Variants in RGS6 observed in about 807,000 individuals in gnomAD.
The protein encoded by RGS6 is regulator of G-protein signaling 6.
In RGS6, 30 loss-of-function variants were observed where a neutral mutation model predicts 78.5. The ratio of observed to expected loss-of-function variants is 0.38; its 90% CI spans 0.29 to 0.52. The LOEUF is 0.52. RGS6 is among the 20% of genes least tolerant of loss of function. The pLI is 0.85. For synonymous variants in RGS6, 206 were observed against 206.0 expected (o/e 1.00, Z 0.00); for missense variants, 495 against 609.7 (o/e 0.81, Z 1.98).
chr14:72,142,725 A>G (rs1567299554), intron 2 of RGS6, among the ~76,000 whole-genome samples: 1 of 152,220 alleles, frequency 6.6e-6, no homozygotes, highest in Non-Finnish European at 1.5e-5. Flanking sequence ...TCAAGAACCA[A>G]TTTACAACAT....
chr14:72,546,515 C>T (rs926676194), intron 17 of RGS6, among the ~76,000 whole-genome samples: 1 of 152,196 alleles, frequency 6.6e-6, no homozygotes, highest in Non-Finnish European at 1.5e-5. Flanking sequence ...GCTGTTCCCG[C>T]TGATGGTTCA....
chr14:72,278,182 A>G (rs2060995376), intron 2 of RGS6, among the ~76,000 whole-genome samples: 1 of 152,230 alleles, frequency 6.6e-6, no homozygotes, highest in African/African-American at 2.4e-5. Flanking sequence ...TCTTTAACAT[A>G]CAAACATGTA....
intron 1 of RGS6, among the ~76,000 whole-genome samples, chr14:71,960,093 G>A (rs1199532821): frequency 1.3e-5 from 2 of 152,188 alleles, no homozygotes; most frequent in African/African-American, 4.8e-5. Context: ...GCATTATAAA[G>A]TAAACAGCAG....
At chr14:72,360,470 C>T (rs2081232707) in intron 3 of RGS6, among the ~76,000 whole-genome samples, 2 of 151,668 alleles carry the variant, frequency 1.3e-5, no homozygotes, top group Admixed American at 6.6e-5. Context: ...TGCAGTGAGC[C>T]AAGATCACGC....
chr14:71,887,393 G>C, the RGS6 span, among the ~76,000 whole-genome samples: 2 of 152,128 alleles, frequency 1.3e-5, no homozygotes, highest in African/African-American at 4.8e-5. Context: ...TGCCTGCAGG[G>C]TCAGGCAAAA....
At chr14:72,267,692 C>A (rs1417001679) in intron 2 of RGS6, among the ~76,000 whole-genome samples, 1 of 152,172 alleles carries the variant, frequency 6.6e-6, no homozygotes, top group Non-Finnish European at 1.5e-5. Flanking sequence ...CTCCATGGAG[C>A]AAATGGCTTC....
At chr14:72,239,718 G>C (rs2052243988) in intron 2 of RGS6, among the ~76,000 whole-genome samples, 1 of 152,216 alleles carries the variant, frequency 6.6e-6, no homozygotes, top group South Asian at 2.1e-4. Flanking sequence ...TCCTCTGAAA[G>C]TGTTTGCTAG....
chr14:72,050,412 CTT>C (rs896533489), intron 2 of RGS6, among the ~76,000 whole-genome samples: 22 of 151,984 alleles, frequency 1.4e-4, no homozygotes, highest in African/African-American at 5.3e-4. Context: ...TATTCTAAAA[CTT>C]GATGTTGTAA....
chr14:72,015,429 A>C (rs2086736310), intron 2 of RGS6, among the ~76,000 whole-genome samples: 1 of 152,246 alleles, frequency 6.6e-6, no homozygotes, highest in Non-Finnish European at 1.5e-5. Flanking sequence ...AGGACAAGCA[A>C]ACCAAACTAT....
At chr14:71,896,020 CG>C in the RGS6 span, among the ~76,000 whole-genome samples, 1 of 151,984 alleles carries the variant, frequency 6.6e-6, no homozygotes, top group South Asian at 2.1e-4. Flanking sequence ...GGGTGCAGTC[CG>C]TGCAGGCCAG....
intron 2 of RGS6, among the ~76,000 whole-genome samples, chr14:72,172,093 C>T (rs2097029146): frequency 1.3e-5 from 2 of 152,036 alleles, no homozygotes; most frequent in Non-Finnish European, 2.9e-5. Context: ...ATTCAGGCTG[C>T]TCAGGGATAC....
In RGS6 at chr14:72,531,790, A is replaced by G. The variant is rs189746717; in HGVS notation, c.1279-4396A>G. Among the ~76,000 whole-genome samples the G allele has an allele frequency of 3.9e-5, 6 of 152,348 alleles. No individual in the cohort carries two copies. The East Asian group carries it at 1.2e-3, about 29-fold the overall frequency. On this transcript the variant is annotated intron_variant, in intron 15 of 17. Coordinates refer to ENST00000553525, the MANE Select transcript of RGS6 (RefSeq NM_001204424.2). ...AACATATGCGTGGTCTCATACACTT[A>G]TTGTTTGTAGTGAGAACACTTAAAA...
At chr14:72,221,592 G>A (rs182289924) in intron 2 of RGS6, among the ~76,000 whole-genome samples, 45 of 152,140 alleles carry the variant, frequency 3.0e-4, no homozygotes, top group African/African-American at 9.6e-4. Flanking sequence ...AACAAGTGAC[G>A]ACAATCACTT....
At chr14:71,907,455 T>C in the RGS6 span, among the ~76,000 whole-genome samples, 1 of 151,578 alleles carries the variant, frequency 6.6e-6, no homozygotes. Context: ...GGACCATGGG[T>C]TGGAGTAGGA....
the RGS6 span, among the ~76,000 whole-genome samples, chr14:72,603,756 T>A: frequency 6.6e-6 from 1 of 152,118 alleles, no homozygotes; most frequent in East Asian, 1.9e-4. Flanking sequence ...AGAACGAGTA[T>A]GTATGCAAGA....
chr14:72,024,238 CT>C (rs1341269516), intron 2 of RGS6, among the ~76,000 whole-genome samples: 2 of 152,138 alleles, frequency 1.3e-5, no homozygotes, highest in African/African-American at 4.8e-5. Flanking sequence ...ACACAGAAGG[CT>C]TGGGGTTGAC....
At chr14:71,943,529 C>A (rs1490395247) in intron 1 of RGS6, among the ~76,000 whole-genome samples, 3 of 152,136 alleles carry the variant, frequency 2.0e-5, no homozygotes, top group Admixed American at 1.3e-4. Flanking sequence ...AATCCTGCTC[C>A]ATAGTTCTCA....
At chr14:72,623,544 T>C in the RGS6 span, among the ~76,000 whole-genome samples, 2 of 152,222 alleles carry the variant, frequency 1.3e-5, no homozygotes, top group African/African-American at 4.8e-5. Flanking sequence ...TTGGAATCAA[T>C]ATTCTGAGAC....
At chr14:72,471,446 G>A (rs2096074250) in intron 8 of RGS6, among the ~76,000 whole-genome samples, 1 of 152,238 alleles carries the variant, frequency 6.6e-6, no homozygotes. Context: ...GGAAAGGGAT[G>A]CTAAGCTGGG....
Sources: allele counts gnomAD v4.1 joint callset (sites outside exome capture counted in the v4.1 genomes callset), GRCh38; gene constraint gnomAD v4.1.1; transcripts MANE v1.5; gene names NCBI Gene and HGNC (gene_info 2026-07-23, HGNC 2026-07-21).